Variants in FGFBP2 observed in about 807,000 individuals in gnomAD.
FGFBP2 encodes the protein fibroblast growth factor-binding protein 2.
FGFBP2 carries 7 observed loss-of-function variants against 7.3 expected under a neutral mutation model. The observed-to-expected ratio is 0.96, with a 90% CI of 0.55 to 1.81. The LOEUF is 1.81. Ranked by LOEUF, FGFBP2 falls within the 40% of genes most tolerant of loss-of-function variation. The pLI, the probability that FGFBP2 is intolerant of heterozygous loss-of-function variation, is 0.00. For missense variants in FGFBP2, 291 were observed against 280.1 expected, an observed-to-expected ratio of 1.04 and a Z score of -0.28; for synonymous variants, 131 against 110.2, an observed-to-expected ratio of 1.19 and a Z score of -1.18.
Position 15,962,309 on chromosome 4 carries a change from C to T in FGFBP2, c.*20+129G>A, listed in dbSNP as rs188100555. On this transcript the variant is annotated intron_variant, in intron 1 of 1. Transcript: ENST00000259989. Reference sequence around the variant, plus strand: ...TCTGCAACAGACAGCCTCAAACCCACCCCCAAACACACGCTGAGACTCTGA... The same window carrying T: ...TCTGCAACAGACAGCCTCAAACCCATCCCCAAACACACGCTGAGACTCTGA... 15 of 821,882 alleles carry T rather than the reference C, an allele frequency of 1.8e-5. No individual in the cohort carries two copies. The Admixed American group carries it at 4.5e-4, about 25-fold the overall frequency. The allele number at this position is 821,882 out of a possible 1,614,324, so 50.9% of individuals were successfully genotyped here. A position where few individuals can be genotyped will look rare whatever the true frequency, so the allele number is the denominator to read the frequency against.
intron 1 of FGFBP2, among the ~76,000 whole-genome samples, chr4:15,960,849 A>G (rs1174690251): frequency 6.6e-6 from 1 of 152,190 alleles, no homozygotes; most frequent in Non-Finnish European, 1.5e-5. Flanking sequence ...ATCCTAACAA[A>G]AAGAGATGAG....
At position 15,962,461 on chromosome 4, in the gene FGFBP2, C is replaced by T. The variant is rs1179237130; in HGVS notation, c.669G>A (p.Gly223=). The T allele has an allele frequency of 6.4e-7, 1 of 1,552,362 alleles. No individual in the cohort carries two copies. The highest frequency in any genetic ancestry group is 1.9e-5 in the Admixed American group (1 of 51,662). The change falls in exon 1 of 2, where the codon GGG becomes GGA. Residue 223 remains glycine (G), a synonymous_variant. Coordinates refer to ENST00000259989, the MANE Select transcript of FGFBP2 (RefSeq NM_031950.4). ...LCAFLISFFR[G] is the part of the protein sequence containing the mutation. Reference sequence around the variant, plus strand: ...ACCTGTAGGGGTCTTTCACCTGTCACCCTCGGAAGAAGCTGATGAGAAAGG... The same window carrying T: ...ACCTGTAGGGGTCTTTCACCTGTCATCCTCGGAAGAAGCTGATGAGAAAGG...
chr4:15,961,498 A>C (rs1291402471), intron 1 of FGFBP2, among the ~76,000 whole-genome samples: 1 of 152,222 alleles, frequency 6.6e-6, no homozygotes, highest in South Asian at 2.1e-4. Context: ...GCGCTTGTAG[A>C]AAAAGCCTTA....
At chr4:15,962,169 T>C (rs1713102166) in intron 1 of FGFBP2, among the ~76,000 whole-genome samples, 1 of 152,202 alleles carries the variant, frequency 6.6e-6, no homozygotes, top group Non-Finnish European at 1.5e-5. Flanking sequence ...GAGACATAGA[T>C]GGAACGGTCT....
rs1713118868 is a variant in FGFBP2, at chr4:15,962,679, T to C, written c.451A>G (p.Arg151Gly). Residue 151 changes from arginine (R) to glycine (G), a missense_variant, in exon 1 of 2, where the codon AGG (arginine) becomes GGG (glycine). Physicochemically the swap from Arg to Gly is moderately radical, Grantham distance 125. Transcript: ENST00000259989. ...GTGAGTTTCACTGTGGCCTTGGGCCTCAGAGATGGCGTCCCAGCCTCAGGC... is the reference window on the plus strand; with the variant it reads ...GTGAGTTTCACTGTGGCCTTGGGCCCCAGAGATGGCGTCCCAGCCTCAGGC... ...QQPEAGTPSL[R>G]PKATVKLTEA... 1 of 1,614,036 alleles carries C rather than the reference T, an allele frequency of 6.2e-7. No individual in the cohort carries two copies. The highest frequency in any genetic ancestry group is 1.7e-5 in the Admixed American group (1 of 60,006).
chr4:15,960,390 T>C lies in FGFBP2; in HGVS notation c.*242A>G, dbSNP rs996978950. The C allele has an allele frequency of 2.6e-5, 4 of 152,190 alleles. No individual in the cohort carries two copies. The highest frequency in any genetic ancestry group is 9.7e-5 in the African/African-American group (4 of 41,440). 9.4% of individuals were successfully genotyped at this position (152,190 alleles called of 1,614,324 possible). On this transcript the variant is annotated 3_prime_UTR_variant, in exon 2 of 2. Coordinates refer to ENST00000259989, the MANE Select transcript of FGFBP2 (RefSeq NM_031950.4). ...TCTACAGATAATAAGTAGTTGTGTA[T>C]GCTTGTCACTCTTGGGCCCATCAGC...
intron 1 of FGFBP2, among the ~76,000 whole-genome samples, chr4:15,961,516 G>A (rs937906783): frequency 5.9e-5 from 9 of 152,088 alleles, no homozygotes; most frequent in Non-Finnish European, 1.2e-4. Flanking sequence ...TTATTTGTTT[G>A]GTGGTATTCG....
Position 15,962,969 on chromosome 4 carries a change from G to A in FGFBP2, c.161C>T (p.Ala54Val), listed in dbSNP as rs774976917. The change falls in exon 1 of 2, where the codon GCT (alanine) becomes GTT (valine). Residue 54 changes from alanine (A) to valine (V), a missense_variant. By Grantham distance (64) the Ala-to-Val change is moderately conservative. Transcript: ENST00000259989. ...GTCGACACGAAGCCAGACTTCTCCAGCACCTTGCCCCAAGCTGCTGGGACG... is the reference window on the plus strand; with the variant it reads ...GTCGACACGAAGCCAGACTTCTCCAACACCTTGCCCCAAGCTGCTGGGACG... Reference protein sequence around the residue: ...TMRPSSLGQGAGEVWLRVDCR... With the variant: ...TMRPSSLGQGVGEVWLRVDCR... The A allele has an allele frequency of 1.4e-5, 23 of 1,612,904 alleles. No individual in the cohort carries two copies. The highest frequency in any genetic ancestry group is 1.8e-5 in the Non-Finnish European group (21 of 1,179,818).
chr4:15,960,566 G>A lies in FGFBP2; in HGVS notation c.*66C>T, dbSNP rs1297287581. 2 of 150,428 alleles carry A rather than the reference G, an allele frequency of 1.3e-5. No homozygotes were observed. Among genetic ancestry groups the A allele is most frequent in the South Asian group, 2.1e-4 (1 of 4,786 alleles). The allele number at this position is 150,428 out of a possible 1,614,324, so 9.3% of individuals were successfully genotyped here. On this transcript the variant is annotated 3_prime_UTR_variant, in exon 2 of 2. Transcript: ENST00000259989. ...AGTGTGAGAACGTTGGATTGAAAGC[G>A]GCATAATATAAAAAGAGATGGTTGT...
intron 1 of FGFBP2, among the ~76,000 whole-genome samples, chr4:15,962,170 G>A (rs559704212): frequency 6.6e-6 from 1 of 152,306 alleles, no homozygotes; most frequent in South Asian, 2.1e-4. Context: ...AGACATAGAT[G>A]GAACGGTCTG....
At position 15,962,601 on chromosome 4, in the gene FGFBP2, G is replaced by A. The variant is rs1246072177; in HGVS notation, c.529C>T (p.Pro177Ser). The change falls in exon 1 of 2, where the codon CCC (proline) becomes TCC (serine). Residue 177 changes from proline to serine, a missense_variant. Coordinates refer to ENST00000259989, the MANE Select transcript of FGFBP2 (RefSeq NM_031950.4). ...DSMEELGKAK[P>S]TTRPTAKPTQ... ...GGTTTGGCTGTGGGTCGGGTGGTGG[G>A]TTTGGCTTTTCCCAGCTCTTCCATC... is the stretch of plus-strand genomic sequence containing the variant. 1.2e-6 allele frequency: 2 copies of A among 1,614,056 alleles called. No individual in the cohort carries two copies. Among genetic ancestry groups the A allele is most frequent in the Non-Finnish European group, 1.7e-6 (2 of 1,180,040 alleles).
chr4:15,962,964 C>T lies in FGFBP2; in HGVS notation c.166G>A (p.Glu56Lys), dbSNP rs765722115. 5.6e-6 allele frequency: 9 copies of T among 1,612,728 alleles called. No homozygotes were observed. The highest frequency in any genetic ancestry group is 6.8e-6 in the Non-Finnish European group (8 of 1,179,696). Residue 56 changes from glutamate (E) to lysine (K), a missense_variant, in exon 1 of 2, where the codon GAA becomes AAA. Transcript: ENST00000259989. The part of the protein sequence containing the change: ...RPSSLGQGAG[E>K]VWLRVDCRNT... ...CGGCAGTCGACACGAAGCCAGACTT[C>T]TCCAGCACCTTGCCCCAAGCTGCTG...
chr4:15,961,356 C>G (rs1713079861), intron 1 of FGFBP2, among the ~76,000 whole-genome samples: 1 of 151,906 alleles, frequency 6.6e-6, no homozygotes. Flanking sequence ...TCAATAGTAA[C>G]TTTTTTTGGC....
Position 15,962,500 on chromosome 4 carries a change from G to A in FGFBP2, c.630C>T (p.Phe210=). ...TGATGAGAAAGGCGCACAGGGCCTG[G>A]AAGGGTTTCCAACAATGTTCCCAGG... ...KKAWEHCWKP[F]QALCAFLISF... The change falls in exon 1 of 2, where the codon TTC becomes TTT. Residue 210 remains phenylalanine, a synonymous_variant. Transcript: ENST00000259989. 1.3e-6 allele frequency: 2 copies of A among 1,598,052 alleles called. No individual in the cohort carries two copies. Among genetic ancestry groups the A allele is most frequent in the South Asian group, 1.1e-5 (1 of 89,344 alleles).
At chr4:15,961,343 C>T (rs912534949) in intron 1 of FGFBP2, among the ~76,000 whole-genome samples, 1 of 152,048 alleles carries the variant, frequency 6.6e-6, no homozygotes, top group Non-Finnish European at 1.5e-5. Context: ...AAAGGACCTC[C>T]TCTCAATAGT....
chr4:15,961,733 C>A (rs1713089665), intron 1 of FGFBP2, among the ~76,000 whole-genome samples: 1 of 152,118 alleles, frequency 6.6e-6, no homozygotes, highest in Non-Finnish European at 1.5e-5. Flanking sequence ...CTTATTTCCA[C>A]AAGAAAAAGT....
intron 1 of FGFBP2, 119 bp downstream of exon 1, chr4:15,962,318 AC>A: frequency 1.1e-6 from 1 of 893,524 alleles, no homozygotes; most frequent in South Asian, 2.6e-5. Context: ...ACCCCCAAAC[AC>A]ACGCTGAGAC....
chr4:15,961,982 G>A (rs1713094691), intron 1 of FGFBP2, among the ~76,000 whole-genome samples: 1 of 152,112 alleles, frequency 6.6e-6, no homozygotes, highest in Non-Finnish European at 1.5e-5. Flanking sequence ...TAGCACCTCG[G>A]CCACTAACAG....
rs1001061171 is a variant in FGFBP2, at chr4:15,961,588, T to G, written c.*20+850A>C. 2.0e-5 allele frequency among the ~76,000 whole-genome samples: 3 copies of G among 152,164 alleles called. No individual in the cohort carries two copies. In the East Asian group the frequency reaches 5.8e-4, roughly 29 times the overall value. ...TCCTATTTTTCTTACATAGATAATATGAAAAAAACTCAGAAACTCTCCTTT... is the reference window on the plus strand; with the variant it reads ...TCCTATTTTTCTTACATAGATAATAGGAAAAAAACTCAGAAACTCTCCTTT... On this transcript the variant is annotated intron_variant, in intron 1 of 1. Coordinates refer to ENST00000259989, the MANE Select transcript of FGFBP2 (RefSeq NM_031950.4).
Sources: gnomAD v4.1 joint callset for allele counts (sites outside exome capture counted in the v4.1 genomes callset) on GRCh38, gnomAD v4.1.1 for gene constraint, MANE v1.5 for transcripts, NCBI Gene and HGNC (gene_info 2026-07-23, HGNC 2026-07-21) for gene names.